GRXCR1: variants seen among roughly 807,000 people sequenced by gnomAD.
The protein encoded by GRXCR1 is glutaredoxin domain-containing cysteine-rich protein 1.
GRXCR1 carries 27 observed loss-of-function variants against 27.3 expected under a neutral mutation model. That is an observed-to-expected ratio of 0.99 (90% CI 0.73 to 1.37). GRXCR1 has a LOEUF of 1.37. Among genes scored for constraint, GRXCR1 ranks in the 40% most tolerant of loss-of-function variants. The pLI is 0.00. For missense variants in GRXCR1, 379 were observed against 354.4 expected (o/e 1.07, Z -0.56); for synonymous variants, 122 against 131.1 (o/e 0.93, Z 0.47).
intron 2 of GRXCR1, among the ~76,000 whole-genome samples, chr4:42,973,642 A>G (rs2109780689): frequency 6.6e-6 from 1 of 152,132 alleles, no homozygotes; most frequent in Admixed American, 6.6e-5. Context: ...GCCAAGATTT[A>G]TTGTAGTATA....
intron 2 of GRXCR1, among the ~76,000 whole-genome samples, chr4:42,981,567 G>C (rs182926701): frequency 6.6e-6 from 1 of 152,258 alleles, no homozygotes; most frequent in East Asian, 1.9e-4. Context: ...TTACTCATTA[G>C]TGTTCTTTTC....
At chr4:42,903,457 A>T (rs10023453) in intron 1 of GRXCR1, among the ~76,000 whole-genome samples, 8 of 145,434 alleles carry the variant, frequency 5.5e-5, no homozygotes, top group African/African-American at 7.5e-5. Flanking sequence ...GACTACAGGC[A>T]CCCACCACCA....
intron 3 of GRXCR1, among the ~76,000 whole-genome samples, chr4:43,026,399 T>C (rs1259426227): frequency 6.6e-6 from 1 of 152,082 alleles, no homozygotes; most frequent in Non-Finnish European, 1.5e-5. Flanking sequence ...TAAATTGTGC[T>C]GGAAGATGTA....
chr4:42,893,874 G>A (rs1746291275), intron 1 of GRXCR1, among the ~76,000 whole-genome samples: 1 of 152,156 alleles, frequency 6.6e-6, no homozygotes, highest in South Asian at 2.1e-4. Flanking sequence ...TAACACATAA[G>A]TGGTCTTTTT....
At chr4:43,006,185 C>T (rs375591492) in intron 2 of GRXCR1, among the ~76,000 whole-genome samples, 132 of 152,178 alleles carry the variant, frequency 8.7e-4, no homozygotes, top group African/African-American at 2.8e-3. Flanking sequence ...GGATGTATAT[C>T]GCCTCAGGAC....
intron 2 of GRXCR1, among the ~76,000 whole-genome samples, chr4:42,998,122 G>A (rs1038015341): frequency 6.6e-6 from 1 of 152,182 alleles, no homozygotes; most frequent in African/African-American, 2.4e-5. Flanking sequence ...GAGGCTGGGT[G>A]AGCCTCATTT....
intron 1 of GRXCR1, among the ~76,000 whole-genome samples, chr4:42,902,476 C>T (rs927623694): frequency 3.3e-5 from 5 of 152,146 alleles, no homozygotes; most frequent in African/African-American, 1.2e-4. Context: ...ATTTCGATGG[C>T]TGCATAGTAT....
intron 1 of GRXCR1, among the ~76,000 whole-genome samples, chr4:42,937,534 A>G (rs1181584038): frequency 6.6e-6 from 1 of 151,840 alleles, no homozygotes; most frequent in African/African-American, 2.4e-5. Flanking sequence ...TATCCTGTGT[A>G]TTTCCACATC....
At chr4:42,930,042 C>T (rs1747267190) in intron 1 of GRXCR1, among the ~76,000 whole-genome samples, 2 of 151,988 alleles carry the variant, frequency 1.3e-5, no homozygotes, top group Admixed American at 1.3e-4. Flanking sequence ...TTTTGGCTCT[C>T]AGTAGATTCT....
chr4:42,960,260 T>G (rs1001041173), intron 1 of GRXCR1, among the ~76,000 whole-genome samples: 9 of 151,942 alleles, frequency 5.9e-5, no homozygotes, highest in Non-Finnish European at 1.3e-4. Flanking sequence ...AGTGGATCAT[T>G]TTGGTAGAAA....
chr4:42,955,944 A>G (rs1158746754), intron 1 of GRXCR1, among the ~76,000 whole-genome samples: 1 of 152,106 alleles, frequency 6.6e-6, no homozygotes, highest in African/African-American at 2.4e-5. Flanking sequence ...GGATGGGTGG[A>G]TAATAATTCT....
intron 2 of GRXCR1, among the ~76,000 whole-genome samples, chr4:42,999,907 C>G (rs1427630832): frequency 6.6e-6 from 1 of 152,194 alleles, no homozygotes; most frequent in Non-Finnish European, 1.5e-5. Context: ...AATTTAGTTT[C>G]TGGTTAATGT....
At chr4:42,933,604 G>C (rs1468601181) in intron 1 of GRXCR1, among the ~76,000 whole-genome samples, 1 of 151,904 alleles carries the variant, frequency 6.6e-6, no homozygotes, top group Admixed American at 6.6e-5. Flanking sequence ...GTGTTAGGAG[G>C]TTGGTTTTTG....
intron 1 of GRXCR1, among the ~76,000 whole-genome samples, chr4:42,916,865 T>G (rs1166562405): frequency 1.3e-5 from 2 of 152,166 alleles, no homozygotes; most frequent in Non-Finnish European, 2.9e-5. Flanking sequence ...GAATGAAGTT[T>G]GCAAGATGAT....
chr4:42,913,143 C>T (rs899640147), intron 1 of GRXCR1, among the ~76,000 whole-genome samples: 2 of 152,130 alleles, frequency 1.3e-5, no homozygotes, highest in African/African-American at 4.8e-5. Context: ...CAGGGCAAGA[C>T]TGAACTAATA....
chr4:42,912,044 A>T (rs1475468452), intron 1 of GRXCR1, among the ~76,000 whole-genome samples: 2 of 152,150 alleles, frequency 1.3e-5, no homozygotes, highest in Non-Finnish European at 2.9e-5. Context: ...GCAAACAAAG[A>T]TAGGGTGAAT....
intron 2 of GRXCR1, among the ~76,000 whole-genome samples, chr4:42,970,042 AG>A (rs1294039426): frequency 6.6e-6 from 1 of 152,162 alleles, no homozygotes; most frequent in Non-Finnish European, 1.5e-5. Context: ...TCCAAAACCC[AG>A]CAGGGCAGTT....
At position 43,030,343 on chromosome 4, in the gene GRXCR1, C is replaced by T; in HGVS notation, c.694-18C>T. 1.2e-6 allele frequency: 2 copies of T among 1,612,292 alleles called. No homozygotes were observed. Among genetic ancestry groups the T allele is most frequent in the East Asian group, 2.2e-5 (1 of 44,868 alleles). On this transcript the variant is annotated intron_variant, in intron 3 of 3. Transcript: ENST00000399770. The stretch of plus-strand genomic sequence containing the variant: ...ACACATCCTCTGTTTTCTCTTGTTC[C>T]CCTGCCACCTTATACAGAGAGTACA...
At chr4:42,972,765 GA>G (rs1748419182) in intron 2 of GRXCR1, among the ~76,000 whole-genome samples, 1 of 152,132 alleles carries the variant, frequency 6.6e-6, no homozygotes, top group Admixed American at 6.5e-5. Context: ...GTGTAGCCAT[GA>G]TTCAAATTTA....
Sources: allele counts gnomAD v4.1 joint callset (sites outside exome capture counted in the v4.1 genomes callset), GRCh38; gene constraint gnomAD v4.1.1; transcripts MANE v1.5; gene names NCBI Gene and HGNC (gene_info 2026-07-23, HGNC 2026-07-21).